The following ADCYAP1 variants were observed in gnomAD, a reference collection of about 807,000 sequenced individuals.
ADCYAP1 encodes pituitary adenylate cyclase-activating polypeptide.
ADCYAP1 carries 6 observed loss-of-function variants against 18.5 expected under a neutral mutation model. That is an observed-to-expected ratio of 0.32 (90% CI 0.18 to 0.64). The LOEUF (loss-of-function observed/expected upper bound fraction) is 0.64, where lower values mean the gene tolerates loss of function less well. Among genes scored for constraint, ADCYAP1 ranks in the 30% least tolerant of loss-of-function variants. The pLI is 0.77. For missense variants in ADCYAP1, 314 were observed against 253.6 expected, an observed-to-expected ratio of 1.24 and a Z score of -1.62; for synonymous variants, 136 against 113.9, an observed-to-expected ratio of 1.19 and a Z score of -1.24.
chr18:911,317 C>T lies in ADCYAP1; in HGVS notation c.*1682C>T, dbSNP rs895548827. On this transcript the variant is annotated 3_prime_UTR_variant, in exon 5 of 5. Transcript: ENST00000450565. ...AAGAACCTTCACCCAGCAATCAGATCGAGCAGCAACAGACAAACCAGCCAG... is the reference window on the plus strand; with the variant it reads ...AAGAACCTTCACCCAGCAATCAGATTGAGCAGCAACAGACAAACCAGCCAG... 9 of 150,538 alleles carry T rather than the reference C, an allele frequency of 6.0e-5. No homozygotes were observed. The highest frequency in any genetic ancestry group is 1.3e-4 in the Non-Finnish European group (9 of 67,910). 9.3% of individuals were successfully genotyped at this position (150,538 alleles called of 1,614,324 possible). A position where few individuals can be genotyped will look rare whatever the true frequency, so the allele number is the denominator to read the frequency against.
chr18:910,416 T>G lies in ADCYAP1; in HGVS notation c.*781T>G, dbSNP rs1421886400. On this transcript the variant is annotated 3_prime_UTR_variant, in exon 5 of 5. Transcript: ENST00000450565. The stretch of plus-strand genomic sequence containing the variant: ...CTCCCTAGGAGAAGAGTTGAGGAAC[T>G]GTACAGAAAAGGGCGGCTTCGTTAG... The G allele has an allele frequency of 1.3e-5, 2 of 152,370 alleles. No individual in the cohort carries two copies. The highest frequency in any genetic ancestry group is 3.4e-3 in the Middle Eastern group (1 of 294). The allele number at this position is 152,370 out of a possible 1,614,324, so 9.4% of individuals were successfully genotyped here.
chr18:911,753 C>T lies in ADCYAP1; in HGVS notation c.*2118C>T, dbSNP rs895447497. 2.0e-5 allele frequency: 3 copies of T among 152,208 alleles called. No individual in the cohort carries two copies. Among genetic ancestry groups the T allele is most frequent in the South Asian group, 2.1e-4 (1 of 4,826 alleles). The allele number at this position is 152,208 out of a possible 1,614,324, so 9.4% of individuals were successfully genotyped here. On this transcript the variant is annotated 3_prime_UTR_variant, in exon 5 of 5. Transcript: ENST00000450565. ...CACAGATGGCTATTTAGTGGCCCTA[C>T]AATGCTGCAACACATCAGCTTGCAT...
rs748479815 is a variant in ADCYAP1, at chr18:909,461, C to T, written c.357C>T (p.Gly119=). ...VARGVGGSLG[G]GAGDDAEPLS... is the part of the protein sequence containing the mutation. Reference sequence around the variant, plus strand: ...TTGCTTGCAGTGGGAGCCTCGGCGGCGGCGCGGGGGACGACGCGGAGCCGC... The same window carrying T: ...TTGCTTGCAGTGGGAGCCTCGGCGGTGGCGCGGGGGACGACGCGGAGCCGC... The change falls in exon 5 of 5, where the codon GGC becomes GGT. Residue 119 remains glycine (G), a synonymous_variant. Coordinates refer to ENST00000450565, the MANE Select transcript of ADCYAP1 (RefSeq NM_001099733.2). 1.9e-6 allele frequency: 3 copies of T among 1,611,746 alleles called. No homozygotes were observed. The highest frequency in any genetic ancestry group is 1.9e-4 in the Middle Eastern group (1 of 5,204).
At chr18:905,276 G>A (rs1047550162) in intron 1 of ADCYAP1, 110 bp from the exon 2 acceptor site, 22 of 1,520,966 alleles carry the variant, frequency 1.4e-5, no homozygotes, top group Non-Finnish European at 1.8e-5. Context: ...AACTCAGGGA[G>A]CCGGGGCTTC....
chr18:908,073 C>A, intron 3 of ADCYAP1, 192 bp from the exon 4 acceptor site: 3 of 668,838 alleles, frequency 4.5e-6, no homozygotes, highest in Non-Finnish European at 4.9e-6. Context: ...CTCCTAGAGC[C>A]GGGACTAGCT....
At position 907,752 on chromosome 18, in the gene ADCYAP1, G is replaced by C. The variant is rs1185394912; in HGVS notation, c.204G>C (p.Pro68=). The C allele has an allele frequency of 1.3e-6, 2 of 1,503,728 alleles. No individual in the cohort carries two copies. The highest frequency in any genetic ancestry group is 1.3e-5 in the South Asian group (1 of 79,948). The allele number at this position is 1,503,728 out of a possible 1,614,324, so 93.1% of individuals were successfully genotyped here. The change falls in exon 3 of 5, where the codon CCG becomes CCC. Residue 68 remains proline, a synonymous_variant. Coordinates refer to ENST00000450565, the MANE Select transcript of ADCYAP1 (RefSeq NM_001099733.2). ...PPGAGSPASA[P]RAAAAWYRPA... is the part of the protein sequence containing the mutation. ...GCGCAGGGAGCCCCGCCTCCGCGCC[G>C]CGCGCCGCCGCCGCCTGGTACCGCC...
chr18:906,672 C>T (rs2846811), intron 2 of ADCYAP1: 118,803 of 152,332 alleles, frequency 0.78, 46,493 homozygotes, highest in Middle Eastern at 0.86. Flanking sequence ...GCGAGTGAAG[C>T]AGCGAAGTAC....
chr18:908,259 C>G lies in ADCYAP1; in HGVS notation c.243-6C>G, dbSNP rs1239284609. The G allele has an allele frequency of 2.5e-6, 4 of 1,610,454 alleles. No individual in the cohort carries two copies. Among genetic ancestry groups the G allele is most frequent in the South Asian group, 1.1e-5 (1 of 90,432 alleles). The stretch of plus-strand genomic sequence containing the variant: ...ACCCTGGGCGCGCACTTTGCCTCCC[C>G]GTTAGAGATGTCGCCCACGGGATCC... On this transcript the variant is annotated splice_region_variant and splice_polypyrimidine_tract_variant and intron_variant, in intron 3 of 4. Coordinates refer to ENST00000450565, the MANE Select transcript of ADCYAP1 (RefSeq NM_001099733.2).
In ADCYAP1 at chr18:905,060, G is replaced by A. The variant is rs532841894; in HGVS notation, c.-2G>A. The A allele has an allele frequency of 6.2e-6, 8 of 1,281,568 alleles. No homozygotes were observed. The highest frequency in any genetic ancestry group is 3.0e-5 in the African/African-American group (2 of 65,788). 79.4% of individuals were successfully genotyped at this position (1,281,568 alleles called of 1,614,324 possible). A position where few individuals can be genotyped will look rare whatever the true frequency, so the allele number is the denominator to read the frequency against. On this transcript the variant is annotated splice_region_variant and 5_prime_UTR_variant, in exon 1 of 5. Coordinates refer to ENST00000450565, the MANE Select transcript of ADCYAP1 (RefSeq NM_001099733.2). ...CTCCTGGCAGCGGGAGGAGTTGAAG[G>A]GTAAGGGAGGGAAAATCTTACCAAA...
At chr18:905,179 C>T (rs1347781356) in intron 1 of ADCYAP1, 119 bp downstream of exon 1, 19 of 1,413,720 alleles carry the variant, frequency 1.3e-5, no homozygotes, top group Non-Finnish European at 1.6e-5. Flanking sequence ...TATTGGGCGC[C>T]GGGTAGATGC....
chr18:911,451 G>C lies in ADCYAP1; in HGVS notation c.*1816G>C, dbSNP rs1348771271. The C allele has an allele frequency of 1.3e-5, 2 of 151,594 alleles. No individual in the cohort carries two copies. Among genetic ancestry groups the C allele is most frequent in the East Asian group, 3.9e-4 (2 of 5,162 alleles). 9.4% of individuals were successfully genotyped at this position (151,594 alleles called of 1,614,324 possible). A position where few individuals can be genotyped will look rare whatever the true frequency, so the allele number is the denominator to read the frequency against. On this transcript the variant is annotated 3_prime_UTR_variant, in exon 5 of 5. Transcript: ENST00000450565. ...AAGAACAAGGAAAGATTAAACGTTA[G>C]CTTGTAAAGTTTAAAGGACCTTTCC...
rs1909352710 is a variant in ADCYAP1 at position 910,564 on chromosome 18, G to A, written c.*929G>A. 6.6e-6 allele frequency: 1 copy of A among 152,292 alleles called. No homozygotes were observed. The allele number at this position is 152,292 out of a possible 1,614,324, so 9.4% of individuals were successfully genotyped here. On this transcript the variant is annotated 3_prime_UTR_variant, in exon 5 of 5. Coordinates refer to ENST00000450565, the MANE Select transcript of ADCYAP1 (RefSeq NM_001099733.2). ...AGAGGCAGAGCCTGAGGTGGTAGGA[G>A]GAGGACCCTGGAAATGGACTGGTTT...
In ADCYAP1 at chr18:905,647, C is replaced by G. The variant is rs1598982570; in HGVS notation, c.110+151C>G. 2.0e-5 allele frequency: 19 copies of G among 937,500 alleles called. No individual in the cohort carries two copies. In the East Asian group the frequency reaches 5.1e-4, roughly 25 times the overall value. 58.1% of individuals were successfully genotyped at this position (937,500 alleles called of 1,614,324 possible). A position where few individuals can be genotyped will look rare whatever the true frequency, so the allele number is the denominator to read the frequency against. On this transcript the variant is annotated intron_variant, in intron 2 of 4. Coordinates refer to ENST00000450565, the MANE Select transcript of ADCYAP1 (RefSeq NM_001099733.2). ...GCCTCCGCCAGCCTCGGCTGGACAGCGGGTCCCCATTCTAGCCGAGGGTCT... is the reference window on the plus strand; with the variant it reads ...GCCTCCGCCAGCCTCGGCTGGACAGGGGGTCCCCATTCTAGCCGAGGGTCT...
upstream of ADCYAP1, chr18:904,709 C>G: frequency 1.6e-6 from 2 of 1,228,136 alleles, no homozygotes; most frequent in Non-Finnish European, 2.1e-6. Context: ...TTCCCTCTTT[C>G]CCTTAATCGC....
chr18:904,598 G>T (rs1436966267), upstream of ADCYAP1: 1 of 1,266,766 alleles, frequency 7.9e-7, no homozygotes, highest in South Asian at 1.3e-5. Flanking sequence ...TCGGAGCAGA[G>T]AAGGCGCCGC....
At chr18:904,719 C>T (rs1415182181), upstream of ADCYAP1, 1 of 1,233,754 alleles carries the variant, frequency 8.1e-7, no homozygotes, top group East Asian at 5.8e-5. Flanking sequence ...CCCTTAATCG[C>T]CTGCTTCTTC....
chr18:907,655 G>T lies in ADCYAP1; in HGVS notation c.111-4G>T, dbSNP rs1398142903. The T allele has an allele frequency of 1.3e-6, 2 of 1,580,970 alleles. No homozygotes were observed. Among genetic ancestry groups the T allele is most frequent in the South Asian group, 1.1e-5 (1 of 88,232 alleles). Reference sequence around the variant, plus strand: ...CACACCTTCTGTCCCCGGCCACCCCGCAGGCCAGAGGAAGAGGCGTACGGC... The same window carrying T: ...CACACCTTCTGTCCCCGGCCACCCCTCAGGCCAGAGGAAGAGGCGTACGGC... On this transcript the variant is annotated splice_polypyrimidine_tract_variant and splice_region_variant and intron_variant, in intron 2 of 4. Coordinates refer to ENST00000450565, the MANE Select transcript of ADCYAP1 (RefSeq NM_001099733.2).
rs1379476207 is a variant in ADCYAP1 at position 911,657 on chromosome 18, C to A, written c.*2022C>A. ...AATCTTCCTTTAATTCCGCAGTCTCCTCAGGCAATGTGACACGGGATGCAG... is the reference window on the plus strand; with the variant it reads ...AATCTTCCTTTAATTCCGCAGTCTCATCAGGCAATGTGACACGGGATGCAG... On this transcript the variant is annotated 3_prime_UTR_variant, in exon 5 of 5. Coordinates refer to ENST00000450565, the MANE Select transcript of ADCYAP1 (RefSeq NM_001099733.2). 1 of 152,148 alleles carries A rather than the reference C, an allele frequency of 6.6e-6. No homozygotes were observed. Among genetic ancestry groups the A allele is most frequent in the East Asian group, 1.9e-4 (1 of 5,200 alleles). 9.4% of individuals were successfully genotyped at this position (152,148 alleles called of 1,614,324 possible).
intron 2 of ADCYAP1, among the ~76,000 whole-genome samples, chr18:907,068 T>C (rs531754473): frequency 8.5e-5 from 13 of 152,294 alleles, no homozygotes; most frequent in African/African-American, 3.1e-4. Flanking sequence ...GGGCATTTAT[T>C]ATTCATGTTC....
Sources: allele counts gnomAD v4.1 joint callset (sites outside exome capture counted in the v4.1 genomes callset), GRCh38; gene constraint gnomAD v4.1.1; transcripts MANE v1.5; gene names NCBI Gene and HGNC (gene_info 2026-07-23, HGNC 2026-07-21).